The following MYL4 variants were observed in gnomAD, a reference collection of about 807,000 sequenced individuals.
The protein encoded by MYL4 is atrial myosin light chain 1.
Under a neutral mutation model 21.6 loss-of-function variants are expected in MYL4, and 16 were observed. That is an observed-to-expected ratio of 0.74 (90% CI 0.50 to 1.12). The LOEUF (loss-of-function observed/expected upper bound fraction) is 1.12. Ranked by LOEUF, MYL4 falls within the 50% of genes most tolerant of loss-of-function variation. The pLI is 0.00. For synonymous variants in MYL4, 82 were observed against 95.7 expected (o/e 0.86, Z 0.83); for missense variants, 249 against 252.9 (o/e 0.98, Z 0.11).
chr17:47,212,261 G>A (rs766373515), intron 1 of MYL4, among the ~76,000 whole-genome samples: 10 of 152,112 alleles, frequency 6.6e-5, no homozygotes, highest in Non-Finnish European at 1.5e-4. Context: ...ACTTATGCTT[G>A]GCCATTGTCA....
intron 1 of MYL4, 50 bp downstream of exon 1, chr17:47,209,607 C>G: frequency 6.2e-7 from 1 of 1,614,030 alleles, no homozygotes. Context: ...CATTGAGAGT[C>G]CTTTTGCTCT....
At chr17:47,205,714 G>A (rs765770146), upstream of MYL4, among the ~76,000 whole-genome samples, 4 of 152,200 alleles carry the variant, frequency 2.6e-5, no homozygotes, top group Non-Finnish European at 4.4e-5. Flanking sequence ...TAAGGTTTCA[G>A]GTGGTTGGGC....
At chr17:47,215,252 A>T (rs1319619298) in intron 2 of MYL4, among the ~76,000 whole-genome samples, 1 of 152,242 alleles carries the variant, frequency 6.6e-6, no homozygotes, top group South Asian at 2.1e-4. Flanking sequence ...ATATAGAAAC[A>T]CAATGACACT....
At chr17:47,217,127 G>C (rs901937969) in intron 2 of MYL4, among the ~76,000 whole-genome samples, 1 of 150,728 alleles carries the variant, frequency 6.6e-6, no homozygotes, top group Non-Finnish European at 1.5e-5. Flanking sequence ...CACTGAATTT[G>C]TGCCAGACAC....
In MYL4 at chr17:47,222,427, G is replaced by C; in HGVS notation, c.535G>C (p.Glu179Gln). ...AGTGGAGCAGCTGTTAGCTGGGCAAGAGGATGCCAATGGCTGCATCAATTA... is the reference window on the plus strand; with the variant it reads ...AGTGGAGCAGCTGTTAGCTGGGCAACAGGATGCCAATGGCTGCATCAATTA... ...AEVEQLLAGQEDANGCINYEA... is the reference protein window; with the variant it reads ...AEVEQLLAGQQDANGCINYEA... Residue 179 changes from glutamate to glutamine, a missense_variant, in exon 5 of 7, where the codon GAG (glutamate) becomes CAG (glutamine). Physicochemically the swap from Glu to Gln is conservative, Grantham distance 29. Coordinates refer to ENST00000393450, the MANE Select transcript of MYL4 (RefSeq NM_002476.2). 6.2e-7 allele frequency: 1 copy of C among 1,614,124 alleles called. No homozygotes were observed. The highest frequency in any genetic ancestry group is 8.5e-7 in the Non-Finnish European group (1 of 1,179,984).
At chr17:47,191,333 G>C in the MYL4 span, among the ~76,000 whole-genome samples, 1 of 152,184 alleles carries the variant, frequency 6.6e-6, no homozygotes, top group Non-Finnish European at 1.5e-5. Context: ...TGGAAAGAAA[G>C]GGATAAGTAA....
At chr17:47,209,777 AG>A (rs2064759709) in intron 1 of MYL4, 1 of 663,584 alleles carries the variant, frequency 1.5e-6, no homozygotes, top group South Asian at 1.9e-5. Context: ...TGCTGCTTTG[AG>A]GGAGCCCTGT....
At chr17:47,223,178 T>G (rs2064869503) in intron 6 of MYL4, 121 bp downstream of exon 6, 3 of 1,017,070 alleles carry the variant, frequency 2.9e-6, no homozygotes. Context: ...CCTCTTGGGA[T>G]CAGGAAGTGA....
upstream of MYL4, among the ~76,000 whole-genome samples, chr17:47,196,882 T>G (rs2064690786): frequency 6.6e-6 from 1 of 152,014 alleles, no homozygotes; most frequent in Admixed American, 6.6e-5. Context: ...TATAAATATT[T>G]TTTGTTGTTG....
downstream of MYL4, among the ~76,000 whole-genome samples, chr17:47,225,712 T>C (rs1416387069): frequency 6.6e-6 from 1 of 152,184 alleles, no homozygotes; most frequent in East Asian, 1.9e-4. Context: ...GCTTGGCTCT[T>C]AGGACTCTTT....
intron 4 of MYL4, 117 bp from the exon 5 acceptor site, chr17:47,222,263 C>A: frequency 2.0e-6 from 2 of 1,018,202 alleles, no homozygotes; most frequent in South Asian, 1.3e-5. Flanking sequence ...TTGGTTTGAA[C>A]CACCTCCCAG....
chr17:47,223,276 C>G, intron 6 of MYL4: 1 of 550,940 alleles, frequency 1.8e-6, no homozygotes, highest in South Asian at 2.5e-5. Flanking sequence ...CATCCTCTTG[C>G]CTCTCCCAGG....
chr17:47,196,103 G>A (rs1440383857), upstream of MYL4, among the ~76,000 whole-genome samples: 1 of 152,174 alleles, frequency 6.6e-6, no homozygotes, highest in African/African-American at 2.4e-5. Flanking sequence ...CCCCTAGTGT[G>A]GCTGTATTTG....
chr17:47,222,386 A>G lies in MYL4; in HGVS notation c.494A>G (p.Lys165Arg). The change falls in exon 5 of 7, where the codon AAG becomes AGG. Residue 165 changes from lysine to arginine, a missense_variant. By Grantham distance (26) the Lys-to-Arg change is conservative. Transcript: ENST00000393450. ...CCTCCCAAACCCACCGCAGGAGAGA[A>G]GATGACTGAGGCTGAAGTGGAGCAG... Reference protein sequence around the residue: ...LRHVLATLGEKMTEAEVEQLL... With the variant: ...LRHVLATLGERMTEAEVEQLL... 2 of 1,614,216 alleles carry G rather than the reference A, an allele frequency of 1.2e-6. No homozygotes were observed. The highest frequency in any genetic ancestry group is 1.6e-4 in the Middle Eastern group (1 of 6,062).
At chr17:47,194,360 T>C in the MYL4 span, among the ~76,000 whole-genome samples, 1 of 152,246 alleles carries the variant, frequency 6.6e-6, no homozygotes, top group Non-Finnish European at 1.5e-5. Flanking sequence ...GGCTTTCTCC[T>C]GGTACAAGGA....
chr17:47,222,837 G>A (rs528104417), intron 5 of MYL4, among the ~76,000 whole-genome samples, 177 bp from the exon 6 acceptor site: 1 of 152,046 alleles, frequency 6.6e-6, no homozygotes, highest in Admixed American at 6.5e-5. Context: ...GCAGAGTCTA[G>A]GTATCTGCCC....
rs2064872589 is a variant in MYL4, at chr17:47,223,564, G to A, written c.*71G>A. On this transcript the variant is annotated 3_prime_UTR_variant, in exon 7 of 7. Transcript: ENST00000393450. ...GGTGAGTTAAAGAGAGGCCCCGGCT[G>A]GGTGAGCTGAGATGGAGTCCTCGAC... is the stretch of plus-strand genomic sequence containing the variant. The A allele has an allele frequency of 6.5e-6, 1 of 154,114 alleles. No homozygotes were observed. The highest frequency in any genetic ancestry group is 2.4e-5 in the African/African-American group (1 of 41,446). 9.5% of individuals were successfully genotyped at this position (154,114 alleles called of 1,614,324 possible). A position where few individuals can be genotyped will look rare whatever the true frequency, so the allele number is the denominator to read the frequency against.
At chr17:47,223,152 A>G in intron 6 of MYL4, 95 bp downstream of exon 6, 1 of 1,322,742 alleles carries the variant, frequency 7.6e-7, no homozygotes, top group Non-Finnish European at 1.1e-6. Flanking sequence ...CCCAGCCCTG[A>G]CCCCTTAAGA....
the MYL4 span, among the ~76,000 whole-genome samples, chr17:47,191,436 C>G: frequency 6.6e-6 from 1 of 152,284 alleles, no homozygotes; most frequent in South Asian, 2.1e-4. Context: ...CTATTATTAT[C>G]TGGACACGTC....
Sources: gnomAD v4.1 joint callset for allele counts (sites outside exome capture counted in the v4.1 genomes callset) on GRCh38, gnomAD v4.1.1 for gene constraint, MANE v1.5 for transcripts, NCBI Gene and HGNC (gene_info 2026-07-23, HGNC 2026-07-21) for gene names.